Variants in GPAT3 observed in about 807,000 individuals in gnomAD.
The protein encoded by GPAT3 is 1-AGP acyltransferase 9.
Under a neutral mutation model 58.8 loss-of-function variants are expected in GPAT3, and 53 were observed. That is an observed-to-expected ratio of 0.90 (90% CI 0.72 to 1.13). The LOEUF is 1.13. Ranked by LOEUF, GPAT3 falls within the 50% of genes most tolerant of loss-of-function variation. The pLI, the probability that GPAT3 is intolerant of heterozygous loss-of-function variation, is 0.00. For missense variants in GPAT3, 511 were observed against 527.6 expected, an observed-to-expected ratio of 0.97 and a Z score of 0.31; for synonymous variants, 197 against 187.4, an observed-to-expected ratio of 1.05 and a Z score of -0.42.
chr4:83,604,053 T>G (rs960079559), intron 11 of GPAT3, among the ~76,000 whole-genome samples: 1 of 152,062 alleles, frequency 6.6e-6, no homozygotes, highest in Non-Finnish European at 1.5e-5. Context: ...AATCCTTGTT[T>G]CAATCCAGTT....
At chr4:83,600,124 A>C (rs6854470) in intron 11 of GPAT3, among the ~76,000 whole-genome samples, 89,895 of 151,900 alleles carry the variant, frequency 0.59, 26,675 homozygotes, top group Middle Eastern at 0.74. Context: ...GGCTTAAACA[A>C]CAGTTTTAGA....
chr4:83,581,561 G>C lies in GPAT3; in HGVS notation c.209-1G>C. 1 of 1,612,028 alleles carries C rather than the reference G, an allele frequency of 6.2e-7. No individual in the cohort carries two copies. Among genetic ancestry groups the C allele is most frequent in the Non-Finnish European group, 8.5e-7 (1 of 1,179,108 alleles). On this transcript the variant is annotated splice_acceptor_variant, in intron 2 of 11. Coordinates refer to ENST00000264409, the MANE Select transcript of GPAT3 (RefSeq NM_032717.5). LOFTEE classifies it high-confidence loss of function. ...CTCATGTCCTGATGCTTTCTTTTAA[G>C]GTATTATCCAAAGAGATGAGTCACC...
At chr4:83,589,279 A>G (rs1232719723) in intron 5 of GPAT3, among the ~76,000 whole-genome samples, 4 of 152,220 alleles carry the variant, frequency 2.6e-5, no homozygotes, top group African/African-American at 9.6e-5. Flanking sequence ...TCTTCTCTGT[A>G]TAGGCCCAAA....
At chr4:83,545,369 C>A (rs910937024) in intron 2 of GPAT3, among the ~76,000 whole-genome samples, 3 of 151,854 alleles carry the variant, frequency 2.0e-5, no homozygotes, top group Admixed American at 2.0e-4. Context: ...TCACTTGAAC[C>A]CTGGAAGTTG....
intron 2 of GPAT3, among the ~76,000 whole-genome samples, chr4:83,547,479 C>G (rs501522): frequency 2.0e-5 from 3 of 150,934 alleles, no homozygotes; most frequent in Non-Finnish European, 2.9e-5. Context: ...GTCTCGATCT[C>G]CTGACCTTGT....
chr4:83,573,115 AATG>A (rs1725662394), intron 2 of GPAT3, among the ~76,000 whole-genome samples: 1 of 152,062 alleles, frequency 6.6e-6, no homozygotes, highest in African/African-American at 2.4e-5. Context: ...AAGATGGTAT[AATG>A]ATCTTTTATT....
In GPAT3 at chr4:83,594,954, C is replaced by T. The variant is rs1157898234; in HGVS notation, c.848C>T (p.Thr283Ile). 1 of 1,613,348 alleles carries T rather than the reference C, an allele frequency of 6.2e-7. No individual in the cohort carries two copies. The change falls in exon 7 of 12, where the codon ACT becomes ATT. Residue 283 changes from threonine (T) to isoleucine (I), a missense_variant. By Grantham distance (89) the Thr-to-Ile change is moderately conservative. Coordinates refer to ENST00000264409, the MANE Select transcript of GPAT3 (RefSeq NM_032717.5). ...RSEMKDRHLV[T>I]KRLKEHIADK... ...GAAATGAAGGATCGACACCTGGTTACTAAGAGGTAAGCAGTGAAATTACTC... is the reference window on the plus strand; with the variant it reads ...GAAATGAAGGATCGACACCTGGTTATTAAGAGGTAAGCAGTGAAATTACTC...
At chr4:83,537,114 G>A (rs1364299269) in intron 1 of GPAT3, among the ~76,000 whole-genome samples, 1 of 152,214 alleles carries the variant, frequency 6.6e-6, no homozygotes, top group African/African-American at 2.4e-5. Context: ...ATGCAGTGCA[G>A]TTTCCGCTTC....
upstream of GPAT3, chr4:83,535,846 C>G (rs1467298485): frequency 3.0e-6 from 3 of 985,382 alleles, no homozygotes; most frequent in Non-Finnish European, 3.6e-6. Context: ...CCCACACAAA[C>G]AAGACCTCAA....
chr4:83,604,646 G>T (rs1454102765), intron 11 of GPAT3, 22 bp from the exon 12 acceptor site: 3 of 1,584,488 alleles, frequency 1.9e-6, no homozygotes, highest in Middle Eastern at 3.3e-4. Flanking sequence ...TATCTTTTAT[G>T]TATTTGTCTT....
At chr4:83,592,193 G>C (rs1230148598) in intron 6 of GPAT3, among the ~76,000 whole-genome samples, 2 of 152,150 alleles carry the variant, frequency 1.3e-5, no homozygotes, top group East Asian at 3.8e-4. Flanking sequence ...AAGGACCTCA[G>C]AACTTTGTTG....
chr4:83,570,450 A>C (rs2110088272), intron 2 of GPAT3, among the ~76,000 whole-genome samples: 1 of 151,282 alleles, frequency 6.6e-6, no homozygotes, highest in East Asian at 1.9e-4. Flanking sequence ...TTGAAACTAT[A>C]GCTAGAAATT....
chr4:83,576,096 C>T (rs1725803231), intron 2 of GPAT3, among the ~76,000 whole-genome samples: 1 of 152,122 alleles, frequency 6.6e-6, no homozygotes, highest in Admixed American at 6.5e-5. Flanking sequence ...TTCCACATAT[C>T]GTTTTGTGTT....
intron 2 of GPAT3, among the ~76,000 whole-genome samples, chr4:83,577,288 G>A (rs1204557182): frequency 1.3e-5 from 2 of 151,574 alleles, no homozygotes; most frequent in East Asian, 3.9e-4. Flanking sequence ...TGCAATCCTG[G>A]ACCAGAAAAA....
intron 7 of GPAT3, among the ~76,000 whole-genome samples, chr4:83,596,108 A>G (rs1726817764): frequency 6.6e-6 from 1 of 152,144 alleles, no homozygotes; most frequent in African/African-American, 2.4e-5. Context: ...ATGGTGTGCA[A>G]ATGGAAAGTT....
At chr4:83,568,247 C>T (rs983409995) in intron 2 of GPAT3, among the ~76,000 whole-genome samples, 1 of 151,868 alleles carries the variant, frequency 6.6e-6, no homozygotes, top group East Asian at 1.9e-4. Flanking sequence ...TTTCATAACT[C>T]GAATGCTTTT....
In GPAT3 at chr4:83,587,104, A is replaced by G. The variant is rs1353679062; in HGVS notation, c.480-151A>G. On this transcript the variant is annotated intron_variant, in intron 3 of 11. Transcript: ENST00000264409. ...TGGAACATTCTTCCGTGTTAGATCT[A>G]TATAGATTTACCCAGTTATTTTAGT... is the stretch of plus-strand genomic sequence containing the variant. 1.4e-5 allele frequency: 9 copies of G among 645,192 alleles called. No homozygotes were observed. In the Admixed American group the frequency reaches 1.8e-4, roughly 13 times the overall value. The allele number at this position is 645,192 out of a possible 1,614,324, so 40.0% of individuals were successfully genotyped here. A position where few individuals can be genotyped will look rare whatever the true frequency, so the allele number is the denominator to read the frequency against.
chr4:83,536,483 C>T lies in GPAT3; in HGVS notation c.-140C>T, dbSNP rs1724094141. 5 of 1,468,304 alleles carry T rather than the reference C, an allele frequency of 3.4e-6. No homozygotes were observed. The highest frequency in any genetic ancestry group is 3.0e-5 in the South Asian group (2 of 67,760). 91.0% of individuals were successfully genotyped at this position (1,468,304 alleles called of 1,614,324 possible). A position where few individuals can be genotyped will look rare whatever the true frequency, so the allele number is the denominator to read the frequency against. On this transcript the variant is annotated 5_prime_UTR_variant, in exon 1 of 12. Transcript: ENST00000264409. Reference sequence around the variant, plus strand: ...TGCCGTAATTCTGAAAGTTTTTTTCCTTCCTCTCTTCCCTTCGCAGAGGTG... The same window carrying T: ...TGCCGTAATTCTGAAAGTTTTTTTCTTTCCTCTCTTCCCTTCGCAGAGGTG...
intron 5 of GPAT3, 93 bp from the exon 6 acceptor site, chr4:83,590,106 A>G (rs993948293): frequency 2.6e-6 from 3 of 1,173,772 alleles, no homozygotes; most frequent in Non-Finnish European, 3.7e-6. Flanking sequence ...AATTACATAT[A>G]TACACACACA....
Sources: allele counts gnomAD v4.1 joint callset (sites outside exome capture counted in the v4.1 genomes callset), GRCh38; gene constraint gnomAD v4.1.1; transcripts MANE v1.5; gene names NCBI Gene and HGNC (gene_info 2026-07-23, HGNC 2026-07-21).